The following PSMD13 variants were observed in gnomAD, a reference collection of about 807,000 sequenced individuals.
PSMD13 encodes the protein 26S proteasome non-ATPase regulatory subunit 13.
PSMD13 carries 8 observed loss-of-function variants against 57.4 expected under a neutral mutation model. That is an observed-to-expected ratio of 0.14 (90% confidence interval 0.08 to 0.25). The LOEUF (loss-of-function observed/expected upper bound fraction) is 0.25. Ranked by LOEUF, PSMD13 falls within the 10% of genes least tolerant of loss-of-function variation. PSMD13 has a pLI of 1.00. For synonymous variants in PSMD13, 193 were observed against 168.2 expected, an observed-to-expected ratio of 1.15 and a Z score of -1.14; for missense variants, 400 against 461.5, an observed-to-expected ratio of 0.87 and a Z score of 1.22.
intron 7 of PSMD13, 198 bp from the exon 8 acceptor site, chr11:248,578 C>CA (rs1394562530): frequency 1.6e-5 from 9 of 578,296 alleles, no homozygotes; most frequent in East Asian, 5.7e-5. Flanking sequence ...ATGCTCCTCC[C>CA]AAAAAACCCA....
Position 239,095 on chromosome 11 carries a change from CAGATT to C in PSMD13, c.174+26_174+30del. 2 of 1,593,314 alleles carry C rather than the reference CAGATT, an allele frequency of 1.3e-6. No homozygotes were observed. The highest frequency in any genetic ancestry group is 2.2e-5 in the South Asian group (2 of 90,680). ...CATTAAGGTAAATAATTTGCTATACCAGATTAGATTATATGAATGTGCTCAAGGAC... is the reference window on the plus strand; with the variant it reads ...CATTAAGGTAAATAATTTGCTATACCAGATTATATGAATGTGCTCAAGGAC... On this transcript the variant is annotated intron_variant, in intron 2 of 12. Coordinates refer to ENST00000532097, the MANE Select transcript of PSMD13 (RefSeq NM_002817.4).
In PSMD13 at chr11:252,658, C is replaced by T. The variant is rs547140402; in HGVS notation, c.*58C>T. 50 of 1,521,152 alleles carry T rather than the reference C, an allele frequency of 3.3e-5. No individual in the cohort carries two copies. In the African/African-American group the frequency reaches 6.6e-4, roughly 20 times the overall value. The allele number at this position is 1,521,152 out of a possible 1,614,324, so 94.2% of individuals were successfully genotyped here. On this transcript the variant is annotated 3_prime_UTR_variant, in exon 13 of 13. Transcript: ENST00000532097. This position sits in a 1 kb window ranked among gnomAD's most constrained non-coding sequence, Gnocchi z 4.1. The stretch of plus-strand genomic sequence containing the variant: ...CTCACCTGAGAGAGGCGTTTGCAGC[C>T]AATGAAGCTGGCTGCTCAGACGGTC...
chr11:248,749 G>A (rs969057369), intron 7 of PSMD13, 27 bp from the exon 8 acceptor site: 1 of 1,606,226 alleles, frequency 6.2e-7, no homozygotes, highest in Non-Finnish European at 8.5e-7. Context: ...TGACTGGATT[G>A]TAAGTGGGCC....
chr11:247,549 G>A lies in PSMD13; in HGVS notation c.568+101G>A, dbSNP rs912906398. On this transcript the variant is annotated intron_variant, in intron 7 of 12. Coordinates refer to ENST00000532097, the MANE Select transcript of PSMD13 (RefSeq NM_002817.4). ...ACAGTTCTCAGAAATTACTAAGGTG[G>A]GGCTGGGCACGGTGGCTCACGCCTG... The A allele has an allele frequency of 2.6e-5, 36 of 1,372,276 alleles. No homozygotes were observed. The Admixed American group carries it at 8.0e-4, about 31-fold the overall frequency. 85.0% of individuals were successfully genotyped at this position (1,372,276 alleles called of 1,614,324 possible). A position where few individuals can be genotyped will look rare whatever the true frequency, so the allele number is the denominator to read the frequency against.
chr11:249,670 G>T lies in PSMD13; in HGVS notation c.774+613G>T, dbSNP rs1016083202. Among the ~76,000 whole-genome samples, 23 of 151,936 alleles carry T rather than the reference G, an allele frequency of 1.5e-4. 1 individual carries two copies. The highest frequency in any genetic ancestry group is 5.3e-4 in the African/African-American group (22 of 41,360). ...CAGCCAATTCACCTCAGTGCAAGGG[G>T]AGGGCAGGCACTGGGTGAAGTTGTC... On this transcript the variant is annotated intron_variant, in intron 9 of 12. Transcript: ENST00000532097.
chr11:238,506 T>C (rs1859437809), intron 1 of PSMD13, among the ~76,000 whole-genome samples: 1 of 152,204 alleles, frequency 6.6e-6, no homozygotes, highest in Non-Finnish European at 1.5e-5. Context: ...GTATCCCTTA[T>C]CAGAAATGCA....
At chr11:248,655 G>A in intron 7 of PSMD13, 121 bp from the exon 8 acceptor site, 3 of 949,402 alleles carry the variant, frequency 3.2e-6, no homozygotes, top group Non-Finnish European at 4.9e-6. Flanking sequence ...TAATGTCAAG[G>A]CTTTGTAATA....
At chr11:239,710 C>T (rs1235801206) in intron 2 of PSMD13, among the ~76,000 whole-genome samples, 3 of 152,080 alleles carry the variant, frequency 2.0e-5, no homozygotes, top group Non-Finnish European at 2.9e-5. Context: ...TAGACAAATA[C>T]GCACCTTCTT....
chr11:243,945 A>G, intron 2 of PSMD13, 96 bp from the exon 3 acceptor site: 1 of 1,289,252 alleles, frequency 7.8e-7, no homozygotes, highest in Non-Finnish European at 1.1e-6. Flanking sequence ...ACTTGATAGC[A>G]TTGATGCAGC....
rs1859777281 is a variant in PSMD13 at position 252,212 on chromosome 11, C to G, written c.1035+276C>G. On this transcript the variant is annotated intron_variant, in intron 12 of 12. Transcript: ENST00000532097. This position sits in a 1 kb window ranked among gnomAD's most constrained non-coding sequence, Gnocchi z 4.1. ...GATAGGAGCTCTGATCAGATACGTT[C>G]CTGGTTCTGTGATTTGAGCTCACGT... is the stretch of plus-strand genomic sequence containing the variant. 1 of 516,226 alleles carries G rather than the reference C, an allele frequency of 1.9e-6. No individual in the cohort carries two copies. Among genetic ancestry groups the G allele is most frequent in the Non-Finnish European group, 3.5e-6 (1 of 286,654 alleles). The allele number at this position is 516,226 out of a possible 1,614,324, so 32.0% of individuals were successfully genotyped here. A position where few individuals can be genotyped will look rare whatever the true frequency, so the allele number is the denominator to read the frequency against.
At chr11:248,351 A>T (rs561361567) in intron 7 of PSMD13, among the ~76,000 whole-genome samples, 1 of 152,258 alleles carries the variant, frequency 6.6e-6, no homozygotes, top group African/African-American at 2.4e-5. Flanking sequence ...CTGTATGTCA[A>T]GAAAAATATA....
At position 237,248 on chromosome 11, in the gene PSMD13, C is replaced by T. The variant is rs73394724; in HGVS notation, c.95+104C>T. Reference sequence around the variant, plus strand: ...TTGATGGGCTGAGGGCGCCCAGACCCAAGTTGGGGGGAAACGGGGACGTGT... The same window carrying T: ...TTGATGGGCTGAGGGCGCCCAGACCTAAGTTGGGGGGAAACGGGGACGTGT... On this transcript the variant is annotated intron_variant, in intron 1 of 12. Transcript: ENST00000532097. The T allele has an allele frequency of 0.014, 15,163 of 1,094,092 alleles. 1,524 individuals carry two copies. In the African/African-American group the frequency reaches 0.22, roughly 16 times the overall value. 67.8% of individuals were successfully genotyped at this position (1,094,092 alleles called of 1,614,324 possible). A position where few individuals can be genotyped will look rare whatever the true frequency, so the allele number is the denominator to read the frequency against.
intron 2 of PSMD13, chr11:243,388 T>C (rs1859558655): frequency 3.1e-6 from 1 of 327,220 alleles, no homozygotes; most frequent in Non-Finnish European, 6.2e-6. Flanking sequence ...CTTGAATCTC[T>C]AGCTGTAGGA....
At chr11:238,382 G>A (rs1260004571) in intron 1 of PSMD13, among the ~76,000 whole-genome samples, 3 of 152,212 alleles carry the variant, frequency 2.0e-5, no homozygotes, top group Non-Finnish European at 4.4e-5. Flanking sequence ...GAAGTTAAGT[G>A]ATCTCAAAGT....
At chr11:247,747 C>G (rs3830002) in intron 7 of PSMD13, 24,496 of 217,482 alleles carry the variant, frequency 0.11, 2,852 homozygotes, top group East Asian at 0.61. Flanking sequence ...GCAGGAGAAT[C>G]ACTTGAACTC....
At chr11:237,653 C>G (rs1219710572) in intron 1 of PSMD13, among the ~76,000 whole-genome samples, 1 of 152,112 alleles carries the variant, frequency 6.6e-6, no homozygotes, top group Non-Finnish European at 1.5e-5. Flanking sequence ...GCTGTTTTCC[C>G]TATTCATTCT....
rs1416172767 is a variant in PSMD13, at chr11:252,568, G to A, written c.1099G>A (p.Val367Met). The stretch of plus-strand genomic sequence containing the variant: ...GGATGTGAAGAGCATGGAGATGCTG[G>A]TGGAGCACCAGGCCCATGACATCCT... ...CTDVKSMEMLVEHQAHDILT is the reference protein window; with the variant it reads ...CTDVKSMEMLMEHQAHDILT Residue 367 changes from valine (V) to methionine (M), a missense_variant, in exon 13 of 13, where the codon GTG becomes ATG. By Grantham distance (21) the Val-to-Met change is conservative. Coordinates refer to ENST00000532097, the MANE Select transcript of PSMD13 (RefSeq NM_002817.4). This position sits in a 1 kb window ranked among gnomAD's most constrained non-coding sequence, Gnocchi z 4.1. The A allele has an allele frequency of 1.2e-5, 20 of 1,614,170 alleles. No homozygotes were observed. Among genetic ancestry groups the A allele is most frequent in the Non-Finnish European group, 1.5e-5 (18 of 1,180,024 alleles).
At chr11:240,381 G>A (rs1043346378) in intron 2 of PSMD13, among the ~76,000 whole-genome samples, 1 of 152,070 alleles carries the variant, frequency 6.6e-6, no homozygotes, top group Non-Finnish European at 1.5e-5. Context: ...CAGAGTGCTG[G>A]GATTATAGGC....
At chr11:238,919 A>G in intron 1 of PSMD13, 79 bp from the exon 2 acceptor site, 1 of 1,318,038 alleles carries the variant, frequency 7.6e-7, no homozygotes, top group Admixed American at 1.7e-5. Context: ...TGTATTTGTG[A>G]CTTGATAGAA....
Sources: gnomAD v4.1 joint callset for allele counts (sites outside exome capture counted in the v4.1 genomes callset) on GRCh38, gnomAD v4.1.1 for gene constraint, Gnocchi (gnomAD v3.1) non-coding constraint, MANE v1.5 for transcripts, NCBI Gene and HGNC (gene_info 2026-07-23, HGNC 2026-07-21) for gene names.